ZNF417: variants seen among roughly 807,000 people sequenced by gnomAD.
ZNF417 encodes zinc finger protein 417.
In ZNF417, 5 loss-of-function variants were observed where a neutral mutation model predicts 7.4. The ratio of observed to expected loss-of-function variants is 0.68; its 90% CI spans 0.35 to 1.43. The LOEUF (loss-of-function observed/expected upper bound fraction) is 1.43. Ranked by LOEUF, ZNF417 falls within the 40% of genes most tolerant of loss-of-function variation. ZNF417 has a pLI of 0.04. For missense variants in ZNF417, 437 were observed against 697.3 expected, an observed-to-expected ratio of 0.63 and a Z score of 4.20; for synonymous variants, 147 against 239.1, an observed-to-expected ratio of 0.61 and a Z score of 3.55.
At chr19:57,911,980 G>A (rs971224140) in intron 2 of ZNF417, 80 bp downstream of exon 2, 14 of 1,518,454 alleles carry the variant, frequency 9.2e-6, no homozygotes, top group Non-Finnish European at 1.1e-5. Context: ...CTCCTTAAGT[G>A]AGAAAGACAG....
rs529600397 is a variant in ZNF417, at chr19:57,905,963, G to A, written c.*2587C>T. Among the ~76,000 whole-genome samples the A allele has an allele frequency of 1.4e-5, 2 of 145,822 alleles. No individual in the cohort carries two copies. Among genetic ancestry groups the A allele is most frequent in the South Asian group, 4.4e-4 (2 of 4,502 alleles). ...GCCTATATAAACTGTAGTTTATGAA[G>A]AAAAAAGTTTTGTTTTTTTTGAGGC... On this transcript the variant is annotated 3_prime_UTR_variant, in exon 3 of 3. Transcript: ENST00000312026.
chr19:57,909,136 T>A lies in ZNF417; in HGVS notation c.1142A>T (p.Lys381Met). 6.2e-7 allele frequency: 1 copy of A among 1,614,030 alleles called. No individual in the cohort carries two copies. The highest frequency in any genetic ancestry group is 8.5e-7 in the Non-Finnish European group (1 of 1,179,992). The change falls in exon 3 of 3, where the codon AAG (lysine) becomes ATG (methionine). Residue 381 changes from lysine (K) to methionine (M), a missense_variant. Lys to Met is a moderately conservative substitution (Grantham distance 95). Around this residue, in one of 5 missense-constraint regions of ZNF417, gnomAD observed 233 missense variants for 235.5 expected, o/e 0.99. Transcript: ENST00000312026. ...AAAAGATTTTCCACATTCTCCACAC[T>A]TGTAAGGCCTTTCTCCAGTGTGAAC... ...QRVHTGERPY[K>M]CGECGKSFGQ...
rs1016790208 is a variant in ZNF417 at position 57,916,399 on chromosome 19, C to G, written c.13G>C (p.Ala5Pro). ...ATTACCTGAGTCGGGCGCCTCGGCGCAGCCGCTGCCATCGGACTACTTGGG... is the reference window on the plus strand; with the variant it reads ...ATTACCTGAGTCGGGCGCCTCGGCGGAGCCGCTGCCATCGGACTACTTGGG... MAAA[A>P]PRRPTQQGTV... Residue 5 changes from alanine to proline, a missense_variant, in exon 1 of 3, where the codon GCG becomes CCG. Physicochemically the swap from Ala to Pro is conservative, Grantham distance 27 (BLOSUM62 -1). Around this residue, in one of 5 missense-constraint regions of ZNF417, gnomAD observed 57 missense variants for 70.7 expected, o/e 0.81. Coordinates refer to ENST00000312026, the MANE Select transcript of ZNF417 (RefSeq NM_152475.3). The G allele has an allele frequency of 2.7e-5, 43 of 1,614,036 alleles. No homozygotes were observed. Among genetic ancestry groups the G allele is most frequent in the Non-Finnish European group, 3.2e-5 (38 of 1,180,058 alleles).
In ZNF417 at chr19:57,906,675, C is replaced by T; in HGVS notation, c.*1875G>A. ...ACTTGGGAGGCTGAGGCAAGAGAAT[C>T]ACTTGAACCTGGGAGGCGGAGGTTG... On this transcript the variant is annotated 3_prime_UTR_variant, in exon 3 of 3. Coordinates refer to ENST00000312026, the MANE Select transcript of ZNF417 (RefSeq NM_152475.3). Among the ~76,000 whole-genome samples, 1 of 135,310 alleles carries T rather than the reference C, an allele frequency of 7.4e-6. No homozygotes were observed. The highest frequency in any genetic ancestry group is 2.8e-5 in the African/African-American group (1 of 36,130). 88.8% of individuals were successfully genotyped at this position (135,310 alleles called of 152,430 possible). A position where few individuals can be genotyped will look rare whatever the true frequency, so the allele number is the denominator to read the frequency against.
intron 2 of ZNF417, among the ~76,000 whole-genome samples, chr19:57,911,260 A>C (rs2071896922): frequency 1.3e-5 from 2 of 152,234 alleles, no homozygotes; most frequent in South Asian, 2.1e-4. Flanking sequence ...GTGAAAAGGT[A>C]CAGAACTAAC....
chr19:57,913,090 G>T (rs1368317343), intron 1 of ZNF417, among the ~76,000 whole-genome samples: 2 of 151,724 alleles, frequency 1.3e-5, no homozygotes, highest in African/African-American at 2.4e-5. Flanking sequence ...GTTAGGCTAG[G>T]ATACATTATT....
chr19:57,916,330 C>G (rs1366882578), intron 1 of ZNF417, 49 bp downstream of exon 1: 1 of 1,614,022 alleles, frequency 6.2e-7, no homozygotes, highest in Non-Finnish European at 8.5e-7. Context: ...TGGTTTAGGA[C>G]CTGGGTGACG....
At chr19:57,911,486 G>A (rs1481163065) in intron 2 of ZNF417, among the ~76,000 whole-genome samples, 2 of 152,104 alleles carry the variant, frequency 1.3e-5, no homozygotes, top group African/African-American at 2.4e-5. Context: ...CAAACATGGA[G>A]GTCTCTCCAT....
At chr19:57,913,322 G>T (rs1403216140) in intron 1 of ZNF417, among the ~76,000 whole-genome samples, 1 of 152,162 alleles carries the variant, frequency 6.6e-6, no homozygotes, top group Non-Finnish European at 1.5e-5. Flanking sequence ...ATCATCCTGT[G>T]AACGTCTCCC....
Position 57,905,943 on chromosome 19 carries a change from T to C in ZNF417, c.*2607A>G, listed in dbSNP as rs1208716202. Among the ~76,000 whole-genome samples, 2 of 152,060 alleles carry C rather than the reference T, an allele frequency of 1.3e-5. No individual in the cohort carries two copies. The highest frequency in any genetic ancestry group is 2.9e-5 in the Non-Finnish European group (2 of 68,012). On this transcript the variant is annotated 3_prime_UTR_variant, in exon 3 of 3. Coordinates refer to ENST00000312026, the MANE Select transcript of ZNF417 (RefSeq NM_152475.3). ...TGCTTAGTACTGAAAGTTTTGCCTA[T>C]ATAAACTGTAGTTTATGAAGAAAAA...
At position 57,916,503 on chromosome 19, in the gene ZNF417, C is replaced by T. The variant is rs2071950549; in HGVS notation, c.-92G>A. ...GGGCACCGAGGACGATTCCTCTCCA[C>T]CTTCTAGGTTCAGTCACCGCGGTCC... On this transcript the variant is annotated 5_prime_UTR_variant, in exon 1 of 3. It adds an upstream start codon to the 5' untranslated region. Coordinates refer to ENST00000312026, the MANE Select transcript of ZNF417 (RefSeq NM_152475.3). 6.2e-7 allele frequency: 1 copy of T among 1,605,202 alleles called. No individual in the cohort carries two copies.
In ZNF417 at chr19:57,908,710, C is replaced by G. The variant is rs1237938637; in HGVS notation, c.1568G>C (p.Ser523Thr). ...VHSGQKPYKC[S>T]ECGKSFAECS... is the part of the protein sequence containing the mutation. ...TTCAGCAAAGGATTTTCCACATTCA[C>G]TGCACTTATAAGGCTTTTGTCCAGA... The change falls in exon 3 of 3, where the codon AGT (serine) becomes ACT (threonine). Residue 523 changes from serine to threonine, a missense_variant. Physicochemically the swap from Ser to Thr is moderately conservative, Grantham distance 58. Coordinates refer to ENST00000312026, the MANE Select transcript of ZNF417 (RefSeq NM_152475.3). The G allele has an allele frequency of 6.2e-7, 1 of 1,614,134 alleles. No individual in the cohort carries two copies. Among genetic ancestry groups the G allele is most frequent in the Admixed American group, 1.7e-5 (1 of 60,022 alleles).
Position 57,905,861 on chromosome 19 carries a change from T to A in ZNF417, c.*2689A>T, listed in dbSNP as rs1251980973. ...ATACAAGCAGGAAGATTTAACTTCATAAGAGAATTAACAAAAGTTGTATTA... is the reference window on the plus strand; with the variant it reads ...ATACAAGCAGGAAGATTTAACTTCAAAAGAGAATTAACAAAAGTTGTATTA... On this transcript the variant is annotated 3_prime_UTR_variant, in exon 3 of 3. Transcript: ENST00000312026. 6.6e-6 allele frequency among the ~76,000 whole-genome samples: 1 copy of A among 152,230 alleles called. No homozygotes were observed. The highest frequency in any genetic ancestry group is 1.5e-5 in the Non-Finnish European group (1 of 68,044).
chr19:57,909,383 C>T lies in ZNF417; in HGVS notation c.895G>A (p.Glu299Lys), dbSNP rs553929805. 706 of 1,614,190 alleles carry T rather than the reference C, an allele frequency of 4.4e-4. No individual in the cohort carries two copies. The East Asian group carries it at 0.015, about 35-fold the overall frequency. ...VHTGKTAYPC[E>K]ECGKSFSQKG... Reference sequence around the variant, plus strand: ...TGACTAAAAGATTTCCCGCACTCCTCACAGGGATAAGCTGTCTTTCCAGTG... The same window carrying T: ...TGACTAAAAGATTTCCCGCACTCCTTACAGGGATAAGCTGTCTTTCCAGTG... The change falls in exon 3 of 3, where the codon GAG (glutamate) becomes AAG (lysine). Residue 299 changes from glutamate to lysine, a missense_variant. Physicochemically the swap from Glu to Lys is moderately conservative, Grantham distance 56. Transcript: ENST00000312026.
chr19:57,916,549 A>G lies in ZNF417; in HGVS notation c.-138T>C, dbSNP rs1316032975. The G allele has an allele frequency of 5.3e-6, 8 of 1,523,546 alleles. No homozygotes were observed. In the African/African-American group the frequency reaches 1.1e-4, roughly 21 times the overall value. 94.4% of individuals were successfully genotyped at this position (1,523,546 alleles called of 1,614,324 possible). ...GGTCCCCCCCCAGCACTCAGGGGCC[A>G]CAAACTGGGGAAACACCCGCGTCAC... On this transcript the variant is annotated 5_prime_UTR_variant, in exon 1 of 3. Coordinates refer to ENST00000312026, the MANE Select transcript of ZNF417 (RefSeq NM_152475.3).
chr19:57,909,713 C>G lies in ZNF417; in HGVS notation c.565G>C (p.Ala189Pro). 6.8e-7 allele frequency: 1 copy of G among 1,479,674 alleles called. No individual in the cohort carries two copies. 91.7% of individuals were successfully genotyped at this position (1,479,674 alleles called of 1,614,324 possible). The change falls in exon 3 of 3, where the codon GCA becomes CCA. Residue 189 changes from alanine to proline, a missense_variant. Ala to Pro is a conservative substitution (Grantham distance 27). Around this residue, in one of 5 missense-constraint regions of ZNF417, gnomAD observed 60 missense variants for 266.0 expected, o/e 0.23. Transcript: ENST00000312026. ...CTGTCTGTCTTCTCTACAGCAGCTG[C>G]TTCTTGGCACAATCCTGAACTGGGC... ...VLPSSGLCQEAAAVEKTDSET... is the reference protein window; with the variant it reads ...VLPSSGLCQEPAAVEKTDSET...
At chr19:57,912,741 C>T (rs538415578) in intron 1 of ZNF417, among the ~76,000 whole-genome samples, 2 of 151,864 alleles carry the variant, frequency 1.3e-5, no homozygotes, top group African/African-American at 2.4e-5. Flanking sequence ...CCCAAGTAGC[C>T]GGGATTACAG....
At chr19:57,915,194 A>T in intron 1 of ZNF417, 1 of 156,862 alleles carries the variant, frequency 6.4e-6, no homozygotes, top group Non-Finnish European at 1.4e-5. Context: ...AGCTACAAAA[A>T]GGATTCAACC....
chr19:57,915,874 A>AGG (rs957923838), intron 1 of ZNF417, among the ~76,000 whole-genome samples: 1 of 152,166 alleles, frequency 6.6e-6, no homozygotes, highest in Admixed American at 6.5e-5. Context: ...TGCTTGAGGT[A>AGG]TTTTGCAGAT....
Sources: gnomAD v4.1 joint callset for allele counts (sites outside exome capture counted in the v4.1 genomes callset) on GRCh38, gnomAD v4.1.1 for gene constraint, gnomAD v4.1.1 regional missense constraint, MANE v1.5 for transcripts, NCBI Gene and HGNC (gene_info 2026-07-23, HGNC 2026-07-21) for gene names.